The following EPHB1 variants were observed in gnomAD, a reference collection of about 807,000 sequenced individuals.
The protein encoded by EPHB1 is EPH receptor B1, also known as ephrin type-B receptor 1.
EPHB1 carries 30 observed loss-of-function variants against 94.4 expected under a neutral mutation model. The observed-to-expected ratio is 0.32, with a 90% CI of 0.24 to 0.43. The LOEUF (loss-of-function observed/expected upper bound fraction) is 0.43. EPHB1 is among the 20% of genes least tolerant of loss of function. The pLI is 1.00. For missense variants in EPHB1, 1,055 were observed against 1,308.3 expected (o/e 0.81, Z 2.99); for synonymous variants, 522 against 489.1 (o/e 1.07, Z -0.89).
At chr3:134,866,524 G>T (rs2037382269) in intron 1 of EPHB1, among the ~76,000 whole-genome samples, 1 of 152,180 alleles carries the variant, frequency 6.6e-6, no homozygotes, top group Non-Finnish European at 1.5e-5. Flanking sequence ...GGTCATCTGG[G>T]AAGGTGTCTT....
chr3:134,829,625 A>AG (rs1560252754), intron 1 of EPHB1, among the ~76,000 whole-genome samples: 10 of 152,218 alleles, frequency 6.6e-5, no homozygotes, highest in Non-Finnish European at 1.0e-4. Context: ...GTATATTCTT[A>AG]TTAAATATTG....
At chr3:134,921,215 G>A (rs1471777011) in intron 1 of EPHB1, among the ~76,000 whole-genome samples, 1 of 152,066 alleles carries the variant, frequency 6.6e-6, no homozygotes, top group African/African-American at 2.4e-5. Context: ...ATTCCCATCA[G>A]CTGGTTCTTG....
chr3:134,867,751 C>T (rs1287233305), intron 1 of EPHB1, among the ~76,000 whole-genome samples: 1 of 152,184 alleles, frequency 6.6e-6, no homozygotes, highest in African/African-American at 2.4e-5. Flanking sequence ...CCATCTCCCT[C>T]AGCCCCTATT....
intron 1 of EPHB1, among the ~76,000 whole-genome samples, chr3:134,842,966 T>C (rs1296058106): frequency 6.6e-6 from 1 of 152,230 alleles, no homozygotes; most frequent in East Asian, 1.9e-4. Flanking sequence ...TGTTCATATA[T>C]TTACCATTTC....
intron 1 of EPHB1, among the ~76,000 whole-genome samples, chr3:134,799,576 C>A (rs1288552612): frequency 6.6e-6 from 1 of 152,198 alleles, no homozygotes; most frequent in African/African-American, 2.4e-5. Context: ...ATGTAAACAA[C>A]TGCAGAGGCC....
At chr3:135,087,229 T>C (rs768609442) in intron 3 of EPHB1, among the ~76,000 whole-genome samples, 3 of 152,166 alleles carry the variant, frequency 2.0e-5, no homozygotes, top group Admixed American at 6.5e-5. Flanking sequence ...TAGCCCCCAC[T>C]GATGAATTTG....
intron 11 of EPHB1, among the ~76,000 whole-genome samples, chr3:135,196,259 C>A (rs900197494): frequency 6.6e-6 from 1 of 151,440 alleles, no homozygotes; most frequent in Non-Finnish European, 1.5e-5. Context: ...GAGTAGGTTG[C>A]GAAAATTTTC....
intron 11 of EPHB1, among the ~76,000 whole-genome samples, chr3:135,196,501 G>A (rs1368444390): frequency 1.3e-5 from 2 of 152,150 alleles, no homozygotes; most frequent in African/African-American, 4.8e-5. Context: ...TCCTCACACT[G>A]CATGGAGGCA....
At chr3:135,190,574 CAT>C (rs1221769268) in intron 10 of EPHB1, among the ~76,000 whole-genome samples, 2 of 152,188 alleles carry the variant, frequency 1.3e-5, no homozygotes, top group African/African-American at 4.8e-5. Context: ...TATACACACA[CAT>C]ATGTGACAGG....
intron 12 of EPHB1, among the ~76,000 whole-genome samples, chr3:135,209,623 C>T (rs1942985342): frequency 6.6e-6 from 1 of 152,042 alleles, no homozygotes. Context: ...GAAACTGCTC[C>T]AGATTGAGGG....
intron 1 of EPHB1, among the ~76,000 whole-genome samples, chr3:134,823,490 C>G (rs2108290738): frequency 6.6e-6 from 1 of 152,308 alleles, no homozygotes. Context: ...CTGGTGAGCA[C>G]CTGCCTTCCC....
chr3:135,042,508 G>T (rs572066013), intron 3 of EPHB1, among the ~76,000 whole-genome samples: 5 of 152,304 alleles, frequency 3.3e-5, no homozygotes, highest in African/African-American at 1.2e-4. Context: ...ACTGTTTTGT[G>T]TGAAATTCCA....
chr3:134,871,751 C>T (rs1362137582), intron 1 of EPHB1, among the ~76,000 whole-genome samples: 1 of 152,144 alleles, frequency 6.6e-6, no homozygotes, highest in East Asian at 1.9e-4. Flanking sequence ...GTCCTTAGAT[C>T]TCTCTGCTGG....
At chr3:134,841,878 A>G (rs2036784753) in intron 1 of EPHB1, among the ~76,000 whole-genome samples, 1 of 152,192 alleles carries the variant, frequency 6.6e-6, no homozygotes, top group Admixed American at 6.5e-5. Flanking sequence ...CCACTTAATG[A>G]TATTCCCCTT....
chr3:134,939,472 G>A (rs555361864), intron 2 of EPHB1, among the ~76,000 whole-genome samples: 26 of 152,282 alleles, frequency 1.7e-4, no homozygotes, highest in African/African-American at 6.0e-4. Context: ...CAGCCCTCAG[G>A]GGAGCCTTTG....
chr3:135,090,661 T>C (rs1008657635), intron 3 of EPHB1, among the ~76,000 whole-genome samples: 4 of 152,138 alleles, frequency 2.6e-5, no homozygotes, highest in African/African-American at 9.7e-5. Flanking sequence ...TTCCTCTAAA[T>C]AATCTGCTTA....
At chr3:134,803,107 G>T (rs773403962) in intron 1 of EPHB1, among the ~76,000 whole-genome samples, 1 of 152,232 alleles carries the variant, frequency 6.6e-6, no homozygotes, top group Non-Finnish European at 1.5e-5. Context: ...TTCCCCCAGA[G>T]TTCTCTGTAA....
intron 3 of EPHB1, among the ~76,000 whole-genome samples, chr3:134,957,992 T>C (rs1348566165): frequency 6.6e-6 from 1 of 152,166 alleles, no homozygotes; most frequent in Non-Finnish European, 1.5e-5. Flanking sequence ...AAGTTATGGC[T>C]GGTGATCCCA....
At chr3:135,014,409 A>G (rs757824837) in intron 3 of EPHB1, among the ~76,000 whole-genome samples, 4 of 152,072 alleles carry the variant, frequency 2.6e-5, no homozygotes, top group Non-Finnish European at 5.9e-5. Flanking sequence ...TCTTTTATTC[A>G]CAGTTCATTT....
Sources: gnomAD v4.1 joint callset for allele counts (sites outside exome capture counted in the v4.1 genomes callset) on GRCh38, gnomAD v4.1.1 for gene constraint, MANE v1.5 for transcripts, NCBI Gene and HGNC (gene_info 2026-07-23, HGNC 2026-07-21) for gene names.